Variants in CDH4 observed in about 807,000 individuals in gnomAD.
CDH4 encodes cadherin 4, also known as cadherin-4.
In CDH4, 33 loss-of-function variants were observed where a neutral mutation model predicts 86.0. The ratio of observed to expected loss-of-function variants is 0.38; its 90% confidence interval spans 0.29 to 0.51. The LOEUF (loss-of-function observed/expected upper bound fraction) is 0.51, where lower values mean the gene tolerates loss of function less well. Among genes scored for constraint, CDH4 ranks in the 20% least tolerant of loss-of-function variants. The probability of loss-of-function intolerance (pLI) is 0.86; values close to 1 mark genes in which losing one functional copy is unlikely to be tolerated. For missense variants in CDH4, 1,114 were observed against 1,307.4 expected (o/e 0.85, Z 2.28); for synonymous variants, 555 against 549.4 (o/e 1.01, Z -0.14).
chr20:61,648,521 G>T (rs2087089133), intron 2 of CDH4, among the ~76,000 whole-genome samples: 4 of 152,180 alleles, frequency 2.6e-5, no homozygotes. Flanking sequence ...TTGTCGTCTA[G>T]ACAGTATGGG....
At chr20:61,383,091 A>ATATACGAT (rs2084913984) in intron 2 of CDH4, among the ~76,000 whole-genome samples, 1 of 97,344 alleles carries the variant, frequency 1.0e-5, no homozygotes, top group Non-Finnish European at 2.0e-5. Flanking sequence ...ATATATGAAT[A>ATATACGAT]TATATATGAA....
In CDH4 at chr20:61,580,120, T is replaced by TGCAA. The variant is rs146706590; in HGVS notation, c.170-163443_170-163442insGCAA. Among the ~76,000 whole-genome samples the TGCAA allele has an allele frequency of 3.5e-4, 51 of 143,964 alleles. 1 individual carries two copies. The highest frequency in any genetic ancestry group is 3.5e-3 in the Middle Eastern group (1 of 282). 94.4% of individuals were successfully genotyped at this position (143,964 alleles called of 152,430 possible). A position where few individuals can be genotyped will look rare whatever the true frequency, so the allele number is the denominator to read the frequency against. On this transcript the variant is annotated intron_variant, in intron 2 of 15. Transcript: ENST00000614565. ...CTGGACTTACGGACTCTTACACTGCTACAAAAAAAAAAAAGGAATCTGTAT... is the reference window on the plus strand; with the variant it reads ...CTGGACTTACGGACTCTTACACTGCTGCAAACAAAAAAAAAAAAGGAATCTGTAT...
chr20:61,796,103 G>C (rs571557824), intron 4 of CDH4, among the ~76,000 whole-genome samples: 278 of 152,192 alleles, frequency 1.8e-3, no homozygotes, highest in South Asian at 0.011. Flanking sequence ...GGAGGCTCCC[G>C]GACCGCTGCC....
chr20:61,576,421 C>A (rs1210953993), intron 2 of CDH4, among the ~76,000 whole-genome samples: 1 of 152,142 alleles, frequency 6.6e-6, no homozygotes, highest in Non-Finnish European at 1.5e-5. Flanking sequence ...CCACCCTAAC[C>A]CCTGGTCTTG....
chr20:61,252,370 G>C lies in CDH4; in HGVS notation c.-144G>C, dbSNP rs931823937. 4.5e-6 allele frequency: 1 copy of C among 223,008 alleles called. No individual in the cohort carries two copies. Among genetic ancestry groups the C allele is most frequent in the African/African-American group, 2.4e-5 (1 of 42,108 alleles). The allele number at this position is 223,008 out of a possible 1,614,324, so 13.8% of individuals were successfully genotyped here. A position where few individuals can be genotyped will look rare whatever the true frequency, so the allele number is the denominator to read the frequency against. ...CGGGGCGGCGAGCGCGGCGGGCGCA[G>C]CGGGGCTGGAGGCTCCGGGCAGGCG... On this transcript the variant is annotated 5_prime_UTR_variant, in exon 1 of 16. Coordinates refer to ENST00000614565, the MANE Select transcript of CDH4 (RefSeq NM_001794.5). This position sits in a 1 kb window ranked among gnomAD's most constrained non-coding sequence, Gnocchi z 4.4.
At chr20:61,803,455 T>A (rs1478879970) in intron 4 of CDH4, among the ~76,000 whole-genome samples, 1 of 152,254 alleles carries the variant, frequency 6.6e-6, no homozygotes, top group Non-Finnish European at 1.5e-5. Flanking sequence ...TTTGGAAATA[T>A]GAAATGGTAA....
At position 61,565,377 on chromosome 20, in the gene CDH4, C is replaced by CCTCTTGGTGATGGGGTGATGGTGGCGGTG. The variant is rs1568689245; in HGVS notation, c.170-178162_170-178161insCGGTGCTCTTGGTGATGGGGTGATGGTGG. On this transcript the variant is annotated intron_variant, in intron 2 of 15. Coordinates refer to ENST00000614565, the MANE Select transcript of CDH4 (RefSeq NM_001794.5). ...GTGATGGGGTGATGGTGGTGGTGGT[C>CCTCTTGGTGATGGGGTGATGGTGGCGGTG]CTCTTGGTGATGGGGTGATGGTGGT... Among the ~76,000 whole-genome samples, 93 of 47,698 alleles carry CCTCTTGGTGATGGGGTGATGGTGGCGGTG rather than the reference C, an allele frequency of 1.9e-3. 22 individuals carry two copies. In the East Asian group the frequency reaches 0.026, roughly 13 times the overall value. The allele number at this position is 47,698 out of a possible 152,430, so 31.3% of individuals were successfully genotyped here. A position where few individuals can be genotyped will look rare whatever the true frequency, so the allele number is the denominator to read the frequency against.
intron 2 of CDH4, among the ~76,000 whole-genome samples, chr20:61,671,642 T>TAG (rs1318045376): frequency 6.8e-6 from 1 of 146,508 alleles, no homozygotes; most frequent in Non-Finnish European, 1.5e-5. Flanking sequence ...GATGAGTGGA[T>TAG]AGATGGGTGA....
rs539059080 is a variant in CDH4, at chr20:61,663,859, G to A, written c.170-79704G>A. 2.6e-5 allele frequency among the ~76,000 whole-genome samples: 4 copies of A among 152,250 alleles called. No homozygotes were observed. The highest frequency in any genetic ancestry group is 4.8e-5 in the African/African-American group (2 of 41,564). On this transcript the variant is annotated intron_variant, in intron 2 of 15. Transcript: ENST00000614565. The surrounding 1 kb of genome is among the most constrained non-coding windows in gnomAD (Gnocchi z 5.0). ...CCACGCTGGGTCTTCCAGCTCCCTC[G>A]AGGCCGCCCTGGCCCTCCACACTCC...
Position 61,592,760 on chromosome 20 carries a change from G to A in CDH4, c.170-150803G>A, listed in dbSNP as rs76970352. ...CTTCTGGGCCACCCAGCACACTGCC[G>A]TCATGGTTCATGTGTCCAGTGTCAT... On this transcript the variant is annotated intron_variant, in intron 2 of 15. Coordinates refer to ENST00000614565, the MANE Select transcript of CDH4 (RefSeq NM_001794.5). Among the ~76,000 whole-genome samples, 744 of 152,218 alleles carry A rather than the reference G, an allele frequency of 4.9e-3. 6 individuals carry two copies. Among genetic ancestry groups the A allele is most frequent in the African/African-American group, 0.017 (704 of 41,516 alleles).
chr20:61,842,163 G>A (rs1375972173), intron 4 of CDH4, among the ~76,000 whole-genome samples: 3 of 152,206 alleles, frequency 2.0e-5, no homozygotes, highest in Non-Finnish European at 2.9e-5. Flanking sequence ...GATTGTCATC[G>A]TGCTGCAGAG....
intron 2 of CDH4, among the ~76,000 whole-genome samples, chr20:61,705,366 G>A (rs1242352915): frequency 1.3e-5 from 2 of 152,222 alleles, no homozygotes; most frequent in Admixed American, 6.5e-5. Context: ...GACCCCGGGG[G>A]TTCCACACCG....
chr20:61,692,241 ATGTGTGTGTATGTG>A (rs1179669113), intron 2 of CDH4, among the ~76,000 whole-genome samples: 1 of 97,422 alleles, frequency 1.0e-5, no homozygotes, highest in South Asian at 3.6e-4. Flanking sequence ...GTGTGTATGT[ATGTGTGTGTATGTG>A]TGTGTCTGTA....
At chr20:61,720,636 T>C (rs1214516855) in intron 2 of CDH4, among the ~76,000 whole-genome samples, 1 of 51,744 alleles carries the variant, frequency 1.9e-5, no homozygotes, top group East Asian at 1.7e-3. Flanking sequence ...GTGCCATTCC[T>C]AAGCCATCGT....
intron 2 of CDH4, among the ~76,000 whole-genome samples, chr20:61,647,380 A>G (rs776396091): frequency 1.1e-4 from 17 of 152,220 alleles, no homozygotes; most frequent in Non-Finnish European, 2.4e-4. Flanking sequence ...CATGATTCAC[A>G]TAGAATTGTA....
At chr20:61,618,636 G>A (rs2086745035) in intron 2 of CDH4, among the ~76,000 whole-genome samples, 1 of 152,178 alleles carries the variant, frequency 6.6e-6, no homozygotes, top group Non-Finnish European at 1.5e-5. Context: ...TGGTTATGGA[G>A]CAATTCAGCG....
At chr20:61,365,525 G>T (rs1327231276) in intron 2 of CDH4, among the ~76,000 whole-genome samples, 1 of 152,122 alleles carries the variant, frequency 6.6e-6, no homozygotes, top group Admixed American at 6.5e-5. Flanking sequence ...AAGGCTTCTG[G>T]TTGGAGCTGG....
chr20:61,302,347 G>A (rs1436757371), intron 2 of CDH4, among the ~76,000 whole-genome samples: 1 of 152,228 alleles, frequency 6.6e-6, no homozygotes, highest in Non-Finnish European at 1.5e-5. Context: ...TTCATTATGC[G>A]TTTTCAAGAC....
chr20:61,773,048 C>A lies in CDH4; in HGVS notation c.442C>A (p.Pro148Thr). 2.5e-6 allele frequency: 4 copies of A among 1,613,778 alleles called. No homozygotes were observed. In the South Asian group the frequency reaches 4.4e-5, roughly 18 times the overall value. Residue 148 changes from proline (P) to threonine (T), a missense_variant, in exon 4 of 16, where the codon CCG becomes ACG. Coordinates refer to ENST00000614565, the MANE Select transcript of CDH4 (RefSeq NM_001794.5). ...CGTGGCTCTGGACCCCTCTCCGCCT[C>A]CGAAGGACACCCTGCTGCCGTGGCC... is the stretch of plus-strand genomic sequence containing the variant. ...KVVALDPSPP[P>T]KDTLLPWPQH...
Sources: gnomAD v4.1 joint callset for allele counts (sites outside exome capture counted in the v4.1 genomes callset) on GRCh38, gnomAD v4.1.1 for gene constraint, Gnocchi (gnomAD v3.1) non-coding constraint, MANE v1.5 for transcripts, NCBI Gene and HGNC (gene_info 2026-07-23, HGNC 2026-07-21) for gene names.